DOCK9: variants seen among roughly 807,000 people sequenced by gnomAD.
DOCK9 encodes dedicator of cytokinesis 9, also known as dedicator of cytokinesis protein 9.
Under a neutral mutation model 263.3 loss-of-function variants are expected in DOCK9, and 89 were observed. The observed-to-expected ratio is 0.34, with a 90% CI of 0.28 to 0.40. DOCK9 has a LOEUF of 0.40. Among genes scored for constraint, DOCK9 ranks in the 10% least tolerant of loss-of-function variants. The probability of loss-of-function intolerance (pLI) is 1.00; values close to 1 mark genes in which losing one functional copy is unlikely to be tolerated. For missense variants in DOCK9, 2,140 were observed against 2,603.4 expected, an observed-to-expected ratio of 0.82 and a Z score of 3.87; for synonymous variants, 976 against 973.1, an observed-to-expected ratio of 1.00 and a Z score of -0.06.
intron 1 of DOCK9, chr13:98,959,316 T>C (rs1304586824): frequency 6.6e-6 from 1 of 152,254 alleles, no homozygotes; most frequent in Non-Finnish European, 1.5e-5. Context: ...GGAAAACTCA[T>C]GGTACTGACT....
Position 98,897,548 on chromosome 13 carries a change from C to T in DOCK9, c.1649G>A (p.Arg550Lys). 6.2e-7 allele frequency: 1 copy of T among 1,613,964 alleles called. No individual in the cohort carries two copies. Among genetic ancestry groups the T allele is most frequent in the African/African-American group, 1.3e-5 (1 of 75,054 alleles). ...ATTGGATAGCTTATTGCTGTCTTGCCTGTAGATGGCAGAAAATCTGGCATT... is the reference window on the plus strand; with the variant it reads ...ATTGGATAGCTTATTGCTGTCTTGCTTGTAGATGGCAGAAAATCTGGCATT... ...DKNARFSAIY[R>K]QDSNKLSNDD... is the part of the protein sequence containing the mutation. Residue 550 changes from arginine to lysine, a missense_variant, in exon 15 of 53, where the codon AGG becomes AAG. Physicochemically the swap from Arg to Lys is conservative, Grantham distance 26. This residue lies in a region of DOCK9 where 1,521 missense variants were observed against 1,741.7 expected (regional missense o/e 0.87). Transcript: ENST00000682017.
intron 49 of DOCK9, among the ~76,000 whole-genome samples, chr13:98,804,093 T>G (rs1041835547): frequency 6.6e-6 from 1 of 152,204 alleles, no homozygotes; most frequent in South Asian, 2.1e-4. Context: ...ATAGTGTGTA[T>G]TATTACCCAG....
intron 27 of DOCK9, among the ~76,000 whole-genome samples, chr13:98,877,699 T>G (rs1034067792): frequency 2.6e-5 from 4 of 152,156 alleles, no homozygotes; most frequent in African/African-American, 9.7e-5. Context: ...TTCAGAGCAC[T>G]CGTCATGAGG....
intron 7 of DOCK9, among the ~76,000 whole-genome samples, chr13:98,916,689 G>C (rs932985802): frequency 1.3e-5 from 2 of 152,116 alleles, no homozygotes; most frequent in Non-Finnish European, 2.9e-5. Context: ...CAAGAACCAG[G>C]GAAGAAGTCA....
At chr13:98,799,752 TAGG>T (rs1418419675) in intron 50 of DOCK9, among the ~76,000 whole-genome samples, 1 of 152,162 alleles carries the variant, frequency 6.6e-6, no homozygotes, top group Non-Finnish European at 1.5e-5. Context: ...GAGGAAAACC[TAGG>T]AGAACATCTG....
intron 43 of DOCK9, 95 bp from the exon 44 acceptor site, chr13:98,826,982 T>G (rs1480650925): frequency 1.1e-6 from 1 of 897,168 alleles, no homozygotes; most frequent in East Asian, 2.7e-5. Flanking sequence ...TATGAACGTA[T>G]ATATTAGATC....
intron 45 of DOCK9, among the ~76,000 whole-genome samples, chr13:98,813,137 G>A (rs1189047236): frequency 1.3e-5 from 2 of 152,176 alleles, no homozygotes; most frequent in South Asian, 2.1e-4. Context: ...AACAGTTTTA[G>A]TAGCTTATTT....
At chr13:98,936,340 T>C (rs1338628756) in intron 2 of DOCK9, among the ~76,000 whole-genome samples, 1 of 152,148 alleles carries the variant, frequency 6.6e-6, no homozygotes, top group Non-Finnish European at 1.5e-5. Flanking sequence ...ATGTGCTAAA[T>C]ACTCGGTAAA....
chr13:98,807,901 G>T (rs1566545452), intron 47 of DOCK9, 94 bp from the exon 48 acceptor site: 1 of 1,083,486 alleles, frequency 9.2e-7, no homozygotes, highest in Non-Finnish European at 1.3e-6. Flanking sequence ...GGAAAAAAAG[G>T]AATGGGTCTA....
chr13:98,906,496 A>G (rs2049119093), intron 9 of DOCK9, among the ~76,000 whole-genome samples: 1 of 151,892 alleles, frequency 6.6e-6, no homozygotes. Flanking sequence ...GCTCTCCACT[A>G]CTCTCAGTCT....
At chr13:99,085,487 T>C (rs1179754492) in intron 1 of DOCK9, among the ~76,000 whole-genome samples, 1 of 152,188 alleles carries the variant, frequency 6.6e-6, no homozygotes, top group Non-Finnish European at 1.5e-5. Flanking sequence ...GAAAACTTCA[T>C]CTTCCTCACA....
intron 1 of DOCK9, among the ~76,000 whole-genome samples, chr13:99,013,627 C>T (rs367942841): frequency 3.9e-5 from 6 of 152,106 alleles, no homozygotes; most frequent in East Asian, 3.9e-4. Flanking sequence ...GCAAAGGCCA[C>T]GCAATGAATG....
chr13:98,883,653 G>A (rs753169769), intron 22 of DOCK9, among the ~76,000 whole-genome samples, 160 bp downstream of exon 22: 3 of 152,162 alleles, frequency 2.0e-5, no homozygotes, highest in Admixed American at 2.0e-4. Context: ...TCATTTATAT[G>A]AATACATATA....
intron 3 of DOCK9, among the ~76,000 whole-genome samples, chr13:98,929,438 G>A (rs1398499310): frequency 6.6e-6 from 1 of 152,142 alleles, no homozygotes; most frequent in African/African-American, 2.4e-5. Flanking sequence ...AGCTACTTGG[G>A]AGGCTGAGGC....
intron 3 of DOCK9, among the ~76,000 whole-genome samples, chr13:98,926,665 A>C (rs1445497754): frequency 6.6e-6 from 1 of 152,240 alleles, no homozygotes; most frequent in African/African-American, 2.4e-5. Context: ...CATCCACCAG[A>C]TCTTCAAATA....
rs2092757464 is a variant in DOCK9 at position 98,831,400 on chromosome 13, C to T, written c.4583G>A (p.Arg1528Lys). The part of the protein sequence containing the change: ...EASQLLYFLM[R>K]NNFDYTGKKS... ...CTTTCCAGTGTAATCAAAGTTGTTC[C>T]TCATCAGGAAGTAGAGCAGCTGGGA... Residue 1528 changes from arginine to lysine, a missense_variant, in exon 41 of 53, where the codon AGG (arginine) becomes AAG (lysine). Physicochemically the swap from Arg to Lys is conservative, Grantham distance 26 (BLOSUM62 2). Transcript: ENST00000682017. 6.2e-7 allele frequency: 1 copy of T among 1,604,278 alleles called. No homozygotes were observed. Among genetic ancestry groups the T allele is most frequent in the Admixed American group, 1.7e-5 (1 of 58,838 alleles).
Position 98,829,548 on chromosome 13 carries a change from G to A in DOCK9, c.4750-26C>T, listed in dbSNP as rs1166392537. 1.9e-6 allele frequency: 3 copies of A among 1,599,380 alleles called. No individual in the cohort carries two copies. ...CTAAAACAAGGGTGGAAGAGGAAAGGACACATGGCTTCCTCTGTTTGCTGC... is the reference window on the plus strand; with the variant it reads ...CTAAAACAAGGGTGGAAGAGGAAAGAACACATGGCTTCCTCTGTTTGCTGC... On this transcript the variant is annotated intron_variant, in intron 42 of 52. Transcript: ENST00000682017. This position sits in a 1 kb window ranked among gnomAD's most constrained non-coding sequence, Gnocchi z 4.1.
At chr13:98,927,344 T>C (rs2053134825) in intron 3 of DOCK9, among the ~76,000 whole-genome samples, 1 of 152,214 alleles carries the variant, frequency 6.6e-6, no homozygotes, top group Admixed American at 6.5e-5. Flanking sequence ...TCCATAGTTT[T>C]GGATTTTCCC....
At chr13:99,032,770 G>A (rs911687042) in intron 1 of DOCK9, among the ~76,000 whole-genome samples, 17 of 152,144 alleles carry the variant, frequency 1.1e-4, no homozygotes, top group Non-Finnish European at 2.5e-4. Flanking sequence ...AATACTTGAA[G>A]AGTCTGTTTC....
Sources: allele counts gnomAD v4.1 joint callset (sites outside exome capture counted in the v4.1 genomes callset), GRCh38; gene constraint gnomAD v4.1.1; regional missense constraint gnomAD v4.1.1; non-coding constraint Gnocchi (gnomAD v3.1); transcripts MANE v1.5; gene names NCBI Gene and HGNC (gene_info 2026-07-23, HGNC 2026-07-21).